ITPR1: variants seen among roughly 807,000 people sequenced by gnomAD.
ITPR1 encodes the protein inositol 1,4,5-trisphosphate-gated calcium channel ITPR1.
Under a neutral mutation model 318.4 loss-of-function variants are expected in ITPR1, and 96 were observed. The observed-to-expected ratio is 0.30, with a 90% CI of 0.26 to 0.36. ITPR1 has a LOEUF of 0.36. Among genes scored for constraint, ITPR1 ranks in the 10% least tolerant of loss-of-function variants. The probability of loss-of-function intolerance (pLI) is 1.00; values close to 1 mark genes in which losing one functional copy is unlikely to be tolerated. For missense variants in ITPR1, 2,440 were observed against 3,460.2 expected (o/e 0.71, Z 7.40); for synonymous variants, 1,312 against 1,289.9 (o/e 1.02, Z -0.37).
chr3:4,782,774 G>GCCTC lies in ITPR1; in HGVS notation c.6510+37_6510+40dup, dbSNP rs771123123. The GCCTC allele has an allele frequency of 1.2e-5, 17 of 1,429,840 alleles. No individual in the cohort carries two copies. The South Asian group carries it at 2.8e-4, about 23-fold the overall frequency. The allele number at this position is 1,429,840 out of a possible 1,614,324, so 88.6% of individuals were successfully genotyped here. On this transcript the variant is annotated intron_variant, in intron 50 of 61. Transcript: ENST00000649015. ...CTCTCCTGTGCCTCCTCTGGATGCTGCCTCCCTACAGGTCCAAAATTCCGA... is the reference window on the plus strand; with the variant it reads ...CTCTCCTGTGCCTCCTCTGGATGCTGCCTCCCTCCCTACAGGTCCAAAATTCCGA...
intron 61 of ITPR1, among the ~76,000 whole-genome samples, chr3:4,845,715 A>C (rs930510302): frequency 1.2e-4 from 19 of 152,200 alleles, no homozygotes; most frequent in Admixed American, 9.8e-4. Flanking sequence ...GGACCCACTG[A>C]AAGTGTGGAC....
chr3:4,766,428 G>A (rs2045824094), intron 44 of ITPR1, 102 bp from the exon 45 acceptor site: 1 of 921,226 alleles, frequency 1.1e-6, no homozygotes, highest in African/African-American at 1.6e-5. Context: ...CATGCGTGAG[G>A]TTTTGCAACT....
At chr3:4,678,624 C>T (rs1371014361) in intron 24 of ITPR1, among the ~76,000 whole-genome samples, 2 of 152,168 alleles carry the variant, frequency 1.3e-5, no homozygotes, top group Non-Finnish European at 1.5e-5. Flanking sequence ...AATAAAACCA[C>T]CAGAAAGTTC....
intron 4 of ITPR1, among the ~76,000 whole-genome samples, chr3:4,537,558 G>C (rs1333939488): frequency 6.6e-6 from 1 of 152,196 alleles, no homozygotes; most frequent in African/African-American, 2.4e-5. Flanking sequence ...TAAGGCTCTT[G>C]AGATGGGGAG....
At position 4,831,026 on chromosome 3, in the gene ITPR1, G is replaced by A. The variant is rs568276456; in HGVS notation, c.8029-5748G>A. 6 of 449,330 alleles carry A rather than the reference G, an allele frequency of 1.3e-5. No homozygotes were observed. The East Asian group carries it at 2.8e-4, about 21-fold the overall frequency. The allele number at this position is 449,330 out of a possible 1,614,324, so 27.8% of individuals were successfully genotyped here. On this transcript the variant is annotated intron_variant, in intron 60 of 61. Transcript: ENST00000649015. ...CAGCCTCTTCTTTTGAACCTGGGAA[G>A]AAAAAAAAATACCCCACTTCTCAGA...
At chr3:4,678,870 G>A (rs890219722) in intron 24 of ITPR1, among the ~76,000 whole-genome samples, 2 of 152,182 alleles carry the variant, frequency 1.3e-5, no homozygotes, top group Non-Finnish European at 2.9e-5. Flanking sequence ...AGGGGAAGTT[G>A]TCAGAAGTGA....
intron 60 of ITPR1, chr3:4,825,720 A>T (rs1389053976): frequency 2.2e-6 from 1 of 456,558 alleles, no homozygotes; most frequent in Non-Finnish European, 4.4e-6. Context: ...CCTTCTGTTT[A>T]AAAGGGGAAC....
At chr3:4,564,639 A>G (rs1034377231) in intron 4 of ITPR1, among the ~76,000 whole-genome samples, 1 of 152,226 alleles carries the variant, frequency 6.6e-6, no homozygotes, top group African/African-American at 2.4e-5. Context: ...ATGGGAGGAC[A>G]CAGCAAGAAG....
intron 4 of ITPR1, among the ~76,000 whole-genome samples, chr3:4,543,346 G>A (rs1277287320): frequency 6.6e-6 from 1 of 152,154 alleles, no homozygotes; most frequent in East Asian, 1.9e-4. Flanking sequence ...TCCTCCTCTG[G>A]GTCAATCTGC....
Position 4,642,153 on chromosome 3 carries a change from G to A in ITPR1, c.427G>A (p.Glu143Lys). Reference protein sequence around the residue: ...TVNKRLPALLEKNAMRVTLDE... With the variant: ...TVNKRLPALLKKNAMRVTLDE... ...GAATAAGAGGCTTCCTGCTCTGTTG[G>A]AGAAGAATGCCATGAGAGTCACATT... Residue 143 changes from glutamate to lysine, a missense_variant, in exon 7 of 62, where the codon GAG becomes AAG. Glu to Lys is a moderately conservative substitution (Grantham distance 56). Transcript: ENST00000649015. 1 of 1,609,792 alleles carries A rather than the reference G, an allele frequency of 6.2e-7. No homozygotes were observed.
chr3:4,777,935 G>T (rs1479091531), intron 48 of ITPR1, among the ~76,000 whole-genome samples: 1 of 152,176 alleles, frequency 6.6e-6, no homozygotes, highest in Non-Finnish European at 1.5e-5. Context: ...ATGTGCCTGC[G>T]GGCCTCTGCT....
At chr3:4,631,238 G>A (rs2093006628) in intron 5 of ITPR1, among the ~76,000 whole-genome samples, 1 of 152,162 alleles carries the variant, frequency 6.6e-6, no homozygotes, top group Non-Finnish European at 1.5e-5. Flanking sequence ...CAGGTTGCTG[G>A]TCATGGTATT....
rs2041388358 is a variant in ITPR1, at chr3:4,711,743, T to A, written c.4992-14T>A. Reference sequence around the variant, plus strand: ...AGCTTCAAGGAAGTAATCCGTGGTTTTCCCCCCATTCAGGTTAATAAAGCA... The same window carrying A: ...AGCTTCAAGGAAGTAATCCGTGGTTATCCCCCCATTCAGGTTAATAAAGCA... On this transcript the variant is annotated splice_polypyrimidine_tract_variant and intron_variant, in intron 38 of 61. Transcript: ENST00000649015. The A allele has an allele frequency of 7.1e-7, 1 of 1,412,398 alleles. No individual in the cohort carries two copies. The allele number at this position is 1,412,398 out of a possible 1,614,324, so 87.5% of individuals were successfully genotyped here.
rs1286679617 is a variant in ITPR1 at position 4,840,870 on chromosome 3, G to GCTAA, written c.8190+3938_8190+3941dup. ...TGCAAAAGAGCAAATACTAAGAAGG[G>GCTAA]CTAACTTTCTTGAAAATATGACTGG... On this transcript the variant is annotated intron_variant, in intron 61 of 61. Coordinates refer to ENST00000649015, the MANE Select transcript of ITPR1 (RefSeq NM_001378452.1). 2.6e-5 allele frequency among the ~76,000 whole-genome samples: 4 copies of GCTAA among 152,288 alleles called. No homozygotes were observed. The Middle Eastern group carries it at 0.01, about 388-fold the overall frequency.
intron 4 of ITPR1, among the ~76,000 whole-genome samples, chr3:4,577,390 A>G (rs536327207): frequency 2.0e-5 from 3 of 152,326 alleles, no homozygotes; most frequent in Admixed American, 1.3e-4. Flanking sequence ...TAGGTCTAGA[A>G]TAAAAACTGA....
rs907104929 is a variant in ITPR1, at chr3:4,815,037, C to T, written c.7702-16C>T. The stretch of plus-strand genomic sequence containing the variant: ...CGCAAGGGACCCAGACTGATCCAGA[C>T]ACCTCTCTTTTCCAGGAACCCCTGT... On this transcript the variant is annotated splice_polypyrimidine_tract_variant and intron_variant, in intron 58 of 61. Coordinates refer to ENST00000649015, the MANE Select transcript of ITPR1 (RefSeq NM_001378452.1). 2.5e-6 allele frequency: 4 copies of T among 1,600,820 alleles called. No homozygotes were observed. Among genetic ancestry groups the T allele is most frequent in the South Asian group, 1.1e-5 (1 of 88,676 alleles).
intron 38 of ITPR1, 86 bp from the exon 39 acceptor site, chr3:4,711,671 G>C (rs2041382164): frequency 8.1e-6 from 6 of 737,802 alleles, no homozygotes; most frequent in Non-Finnish European, 1.2e-5. Flanking sequence ...GTTCATTAAC[G>C]GACTAGTTAA....
chr3:4,668,365 C>A (rs570832588), intron 18 of ITPR1, among the ~76,000 whole-genome samples: 1 of 152,094 alleles, frequency 6.6e-6, no homozygotes, highest in South Asian at 2.1e-4. Context: ...TGAGAAGATG[C>A]GATGTTTGTC....
At chr3:4,814,784 CA>C in intron 58 of ITPR1, 1 of 610,026 alleles carries the variant, frequency 1.6e-6, no homozygotes, top group Non-Finnish European at 2.9e-6. Context: ...GCTCTCTGTT[CA>C]GTAGACTTAG....
Sources: gnomAD v4.1 joint callset for allele counts (sites outside exome capture counted in the v4.1 genomes callset) on GRCh38, gnomAD v4.1.1 for gene constraint, MANE v1.5 for transcripts, NCBI Gene and HGNC (gene_info 2026-07-23, HGNC 2026-07-21) for gene names.